The following DDX6 variants were observed in gnomAD, a reference collection of about 807,000 sequenced individuals.
DDX6 encodes the protein DEAD-box helicase 6, also known as probable ATP-dependent RNA helicase DDX6.
Under a neutral mutation model 60.6 loss-of-function variants are expected in DDX6, and 7 were observed. The observed-to-expected ratio is 0.12, with a 90% CI of 0.07 to 0.22. DDX6 has a LOEUF of 0.22. Among genes scored for constraint, DDX6 ranks in the 10% least tolerant of loss-of-function variants. The pLI, the probability that DDX6 is intolerant of heterozygous loss-of-function variation, is 1.00. For synonymous variants in DDX6, 207 were observed against 201.0 expected, an observed-to-expected ratio of 1.03 and a Z score of -0.25; for missense variants, 270 against 589.9, an observed-to-expected ratio of 0.46 and a Z score of 5.62.
rs1349303126 is a variant in DDX6, at chr11:118,748,232, A to T, written c.*3873T>A. 1.3e-5 allele frequency: 2 copies of T among 152,086 alleles called. No homozygotes were observed. The highest frequency in any genetic ancestry group is 4.8e-5 in the African/African-American group (2 of 41,402). 9.4% of individuals were successfully genotyped at this position (152,086 alleles called of 1,614,324 possible). On this transcript the variant is annotated 3_prime_UTR_variant, in exon 14 of 14. Coordinates refer to ENST00000534980, the MANE Select transcript of DDX6 (RefSeq NM_004397.6). ...GAGAATTTAAATACACTTCTGTTGGAATCTGTCAGCTGTGGATGGGCAGAG... is the reference window on the plus strand; with the variant it reads ...GAGAATTTAAATACACTTCTGTTGGTATCTGTCAGCTGTGGATGGGCAGAG...
In DDX6 at chr11:118,750,670, T is replaced by C. The variant is rs1413292821; in HGVS notation, c.*1435A>G. 2.6e-5 allele frequency: 4 copies of C among 152,144 alleles called. No individual in the cohort carries two copies. Among genetic ancestry groups the C allele is most frequent in the Admixed American group, 2.0e-4 (3 of 15,264 alleles). 9.4% of individuals were successfully genotyped at this position (152,144 alleles called of 1,614,324 possible). The stretch of plus-strand genomic sequence containing the variant: ...ACTGCTCAATGACACTGCCACTCAA[T>C]AGAATTCCTACACTGCAAGGTAGAT... On this transcript the variant is annotated 3_prime_UTR_variant, in exon 14 of 14. Coordinates refer to ENST00000534980, the MANE Select transcript of DDX6 (RefSeq NM_004397.6).
At chr11:118,759,826 T>G in intron 8 of DDX6, 96 bp downstream of exon 8, 1 of 1,305,748 alleles carries the variant, frequency 7.7e-7, no homozygotes, top group Non-Finnish European at 1.0e-6. Flanking sequence ...ATAATTAGCA[T>G]AAAGTATATT....
At chr11:118,790,641 C>T (rs569673640) in intron 1 of DDX6, among the ~76,000 whole-genome samples, 24 of 152,258 alleles carry the variant, frequency 1.6e-4, no homozygotes, top group African/African-American at 5.8e-4. Flanking sequence ...TAAAGCTACT[C>T]CGAGTACTTA....
At position 118,748,484 on chromosome 11, in the gene DDX6, A is replaced by G. The variant is rs1243664518; in HGVS notation, c.*3621T>C. The G allele has an allele frequency of 1.3e-5, 2 of 152,246 alleles. No homozygotes were observed. The allele number at this position is 152,246 out of a possible 1,614,324, so 9.4% of individuals were successfully genotyped here. ...ACTTACTTCAGCTCTCATGAGGCCAATAATTTTGATAAAGGTATCTGGCAG... is the reference window on the plus strand; with the variant it reads ...ACTTACTTCAGCTCTCATGAGGCCAGTAATTTTGATAAAGGTATCTGGCAG... On this transcript the variant is annotated 3_prime_UTR_variant, in exon 14 of 14. Coordinates refer to ENST00000534980, the MANE Select transcript of DDX6 (RefSeq NM_004397.6).
intron 5 of DDX6, 73 bp from the exon 6 acceptor site, chr11:118,765,428 C>A: frequency 1.3e-6 from 2 of 1,505,722 alleles, no homozygotes; most frequent in Non-Finnish European, 1.8e-6. Flanking sequence ...TCATTATTTA[C>A]AAAATTTAAG....
At position 118,786,337 on chromosome 11, in the gene DDX6, A is replaced by G; in HGVS notation, c.-86T>C. ...GTAATAACAGTTTATTAGGCTCTCC[A>G]AAATGAAGAGATAAATATAAGTCTT... is the stretch of plus-strand genomic sequence containing the variant. On this transcript the variant is annotated 5_prime_UTR_variant, in exon 2 of 14. Transcript: ENST00000534980. 8.7e-7 allele frequency: 1 copy of G among 1,152,148 alleles called. No homozygotes were observed. Among genetic ancestry groups the G allele is most frequent in the Non-Finnish European group, 1.2e-6 (1 of 816,286 alleles). The allele number at this position is 1,152,148 out of a possible 1,614,324, so 71.4% of individuals were successfully genotyped here. A position where few individuals can be genotyped will look rare whatever the true frequency, so the allele number is the denominator to read the frequency against.
chr11:118,781,205 T>C (rs782183712), intron 2 of DDX6, 21 bp from the exon 3 acceptor site: 2 of 1,518,318 alleles, frequency 1.3e-6, no homozygotes, highest in Non-Finnish European at 9.1e-7. Context: ...TACAGTAAAC[T>C]TGAAGTATCA....
chr11:118,776,561 G>A (rs138425135), intron 4 of DDX6, among the ~76,000 whole-genome samples: 1 of 152,288 alleles, frequency 6.6e-6, no homozygotes, highest in East Asian at 1.9e-4. Context: ...TGGGCCAGGT[G>A]TGTTGGCTCA....
chr11:118,786,586 C>A (rs1862081721), intron 1 of DDX6, 68 bp from the exon 2 acceptor site: 2 of 222,122 alleles, frequency 9.0e-6, no homozygotes, highest in South Asian at 3.3e-4. Flanking sequence ...TTTAAAAGAA[C>A]CCCTTTAAAA....
In DDX6 at chr11:118,759,127, T is replaced by C. The variant is rs144804438; in HGVS notation, c.865-225A>G. 3.6e-3 allele frequency: 1,573 copies of C among 440,142 alleles called. 25 individuals are homozygous for C. Among genetic ancestry groups the C allele is most frequent in the African/African-American group, 0.028 (1,378 of 49,474 alleles). The allele number at this position is 440,142 out of a possible 1,614,324, so 27.3% of individuals were successfully genotyped here. ...CAGGCTGGAGTGTAGTGGCACGATC[T>C]CTGCTCCCTGCAACCTCCACCTCCC... On this transcript the variant is annotated intron_variant, in intron 8 of 13. Transcript: ENST00000534980.
At chr11:118,770,475 C>CT (rs1419648621) in intron 4 of DDX6, among the ~76,000 whole-genome samples, 1 of 152,110 alleles carries the variant, frequency 6.6e-6, no homozygotes, top group Non-Finnish European at 1.5e-5. Context: ...GTAGAAATGA[C>CT]TAAATAAGCA....
rs5795140 is a variant in DDX6, at chr11:118,779,156, C to CAAAAAA, written c.369+470_369+475dup. ...GGGTGACAGGGCAAGACCCAGTTGC[C>CAAAAAA]AAAAAAAAAAAAAAAAAAGAGGGAT... On this transcript the variant is annotated intron_variant, in intron 4 of 13. Transcript: ENST00000534980. 7.9e-5 allele frequency among the ~76,000 whole-genome samples: 10 copies of CAAAAAA among 125,878 alleles called. 4 individuals carry two copies. Among genetic ancestry groups the CAAAAAA allele is most frequent in the Non-Finnish European group, 8.1e-5 (5 of 61,404 alleles). 82.6% of individuals were successfully genotyped at this position (125,878 alleles called of 152,430 possible). A position where few individuals can be genotyped will look rare whatever the true frequency, so the allele number is the denominator to read the frequency against.
chr11:118,760,638 T>C (rs1555159956), intron 7 of DDX6, among the ~76,000 whole-genome samples: 3 of 151,158 alleles, frequency 2.0e-5, no homozygotes, highest in African/African-American at 7.3e-5. Context: ...CTGACCAACA[T>C]GGTGAAACCC....
rs1860739940 is a variant in DDX6, at chr11:118,750,922, T to G, written c.*1183A>C. ...TTACTAACACAGGGTACCATAGAAA[T>G]CTGCTCTCTACAGCACGAGGCCAAA... On this transcript the variant is annotated 3_prime_UTR_variant, in exon 14 of 14. Coordinates refer to ENST00000534980, the MANE Select transcript of DDX6 (RefSeq NM_004397.6). 1 of 152,350 alleles carries G rather than the reference T, an allele frequency of 6.6e-6. No homozygotes were observed. The highest frequency in any genetic ancestry group is 2.4e-5 in the African/African-American group (1 of 41,326). The allele number at this position is 152,350 out of a possible 1,614,324, so 9.4% of individuals were successfully genotyped here.
At position 118,759,184 on chromosome 11, in the gene DDX6, C is replaced by T. The variant is rs147920140; in HGVS notation, c.865-282G>A. On this transcript the variant is annotated intron_variant, in intron 8 of 13. Transcript: ENST00000534980. ...AAGTGATTCTCCTGCCTCGGCCTCCCGAGTAGCTGGGAATGCAGGCATGCA... is the reference window on the plus strand; with the variant it reads ...AAGTGATTCTCCTGCCTCGGCCTCCTGAGTAGCTGGGAATGCAGGCATGCA... The T allele has an allele frequency of 2.4e-3, 710 of 292,166 alleles. 5 individuals are homozygous for T. Among genetic ancestry groups the T allele is most frequent in the African/African-American group, 0.014 (644 of 45,342 alleles). 18.1% of individuals were successfully genotyped at this position (292,166 alleles called of 1,614,324 possible). A position where few individuals can be genotyped will look rare whatever the true frequency, so the allele number is the denominator to read the frequency against.
In DDX6 at chr11:118,758,905, G is replaced by T. The variant is rs782116314; in HGVS notation, c.865-3C>A. 13 of 1,602,280 alleles carry T rather than the reference G, an allele frequency of 8.1e-6. No individual in the cohort carries two copies. Among genetic ancestry groups the T allele is most frequent in the Non-Finnish European group, 8.5e-6 (10 of 1,173,092 alleles). On this transcript the variant is annotated splice_region_variant and splice_polypyrimidine_tract_variant and intron_variant, in intron 8 of 13. Coordinates refer to ENST00000534980, the MANE Select transcript of DDX6 (RefSeq NM_004397.6). ...TAGGGTTTCTGCAAATGGGAATTCT[G>T]GGGGGGGAGCGGGAAAAAGATGAGT...
intron 6 of DDX6, among the ~76,000 whole-genome samples, chr11:118,763,508 A>C (rs1861243705): frequency 6.0e-3 from 1 of 166 alleles, no homozygotes; most frequent in South Asian, 0.25. Context: ...CACTGACCAC[A>C]ACATTGTATG....
rs1565576492 is a variant in DDX6 at position 118,779,613 on chromosome 11, A to AT, written c.369+18dup. ...GTTGACACATAACCTTACATATGTGATAAAAAGGGTTAACATACCTGAATA... is the reference window on the plus strand; with the variant it reads ...GTTGACACATAACCTTACATATGTGATTAAAAAGGGTTAACATACCTGAATA... On this transcript the variant is annotated intron_variant, in intron 4 of 13. Transcript: ENST00000534980. 5.0e-5 allele frequency: 77 copies of AT among 1,526,254 alleles called. No individual in the cohort carries two copies. The highest frequency in any genetic ancestry group is 6.9e-5 in the Non-Finnish European group (76 of 1,108,904). The allele number at this position is 1,526,254 out of a possible 1,614,324, so 94.5% of individuals were successfully genotyped here. A position where few individuals can be genotyped will look rare whatever the true frequency, so the allele number is the denominator to read the frequency against.
intron 4 of DDX6, among the ~76,000 whole-genome samples, chr11:118,777,741 T>G (rs1861746827): frequency 6.6e-6 from 1 of 151,714 alleles, no homozygotes; most frequent in Admixed American, 6.6e-5. Context: ...ATGCAAAAAT[T>G]AGTTAGGTGT....
Sources: gnomAD v4.1 joint callset for allele counts (sites outside exome capture counted in the v4.1 genomes callset) on GRCh38, gnomAD v4.1.1 for gene constraint, MANE v1.5 for transcripts, NCBI Gene and HGNC (gene_info 2026-07-23, HGNC 2026-07-21) for gene names.